GDA: variants seen among roughly 807,000 people sequenced by gnomAD.
GDA encodes the protein guanine deaminase.
A neutral mutation model predicts 59.6 loss-of-function variants in GDA; 18 were observed. That is an observed-to-expected ratio of 0.30 (90% CI 0.21 to 0.45). GDA has a LOEUF of 0.45. GDA is among the 20% of genes least tolerant of loss of function. The pLI is 1.00. For synonymous variants in GDA, 201 were observed against 201.1 expected (o/e 1.00, Z 0.00); for missense variants, 427 against 552.3 (o/e 0.77, Z 2.27).
Position 72,162,751 on chromosome 9 carries a change from G to A in GDA, c.123+13069G>A, listed in dbSNP as rs550455032. Among the ~76,000 whole-genome samples, 13 of 151,928 alleles carry A rather than the reference G, an allele frequency of 8.6e-5. No homozygotes were observed. In the East Asian group the frequency reaches 9.7e-4, roughly 11 times the overall value. Reference sequence around the variant, plus strand: ...CGGCTTACTGCAAGCTCCGCCTCCCGGGTTCACGCCATTCTCCTGCCTCAG... The same window carrying A: ...CGGCTTACTGCAAGCTCCGCCTCCCAGGTTCACGCCATTCTCCTGCCTCAG... On this transcript the variant is annotated intron_variant, in intron 1 of 13. Coordinates refer to ENST00000358399, the MANE Select transcript of GDA (RefSeq NM_004293.5).
At chr9:72,222,531 G>C (rs1445906839) in intron 6 of GDA, among the ~76,000 whole-genome samples, 3 of 152,058 alleles carry the variant, frequency 2.0e-5, no homozygotes, top group Non-Finnish European at 4.4e-5. Context: ...TACTCTGTTG[G>C]TGGTTTCACT....
chr9:72,191,915 G>T (rs564137506), intron 1 of GDA, among the ~76,000 whole-genome samples: 147 of 152,114 alleles, frequency 9.7e-4, no homozygotes, highest in Non-Finnish European at 1.9e-3. Context: ...CTGCTTTTAG[G>T]ATTCTTTCTT....
intron 3 of GDA, among the ~76,000 whole-genome samples, chr9:72,203,348 T>C (rs1302547133): frequency 6.6e-6 from 1 of 152,072 alleles, no homozygotes; most frequent in African/African-American, 2.4e-5. Context: ...GGAAGGAAAA[T>C]AGGATGGTCC....
chr9:72,256,236 T>A (rs567556534), downstream of GDA, among the ~76,000 whole-genome samples: 23 of 152,308 alleles, frequency 1.5e-4, no homozygotes, highest in African/African-American at 5.5e-4. Flanking sequence ...TAATGGCCTA[T>A]TAAGTCATAT....
chr9:72,163,578 C>T lies in GDA; in HGVS notation c.123+13896C>T, dbSNP rs1434023465. On this transcript the variant is annotated intron_variant, in intron 1 of 13. Transcript: ENST00000358399. ...CACGATCTCGGCTCACTGCAAGCTC[C>T]ACCTCCCGGGTTCACGCCATTCTCC... 2.0e-5 allele frequency among the ~76,000 whole-genome samples: 3 copies of T among 151,952 alleles called. No homozygotes were observed. The East Asian group carries it at 5.8e-4, about 29-fold the overall frequency.
intron 1 of GDA, among the ~76,000 whole-genome samples, chr9:72,175,423 G>A (rs776970196): frequency 6.6e-6 from 1 of 152,156 alleles, no homozygotes; most frequent in Non-Finnish European, 1.5e-5. Context: ...CTCTGGAACG[G>A]AACCCAGGAA....
chr9:72,130,554 T>C (rs555690716), intron 1 of GDA, among the ~76,000 whole-genome samples: 5 of 152,332 alleles, frequency 3.3e-5, no homozygotes, highest in Admixed American at 6.5e-5. Context: ...ACTTTTATAA[T>C]GTATTAGTGG....
intron 2 of GDA, among the ~76,000 whole-genome samples, chr9:72,196,430 T>C (rs1833188216): frequency 1.4e-5 from 2 of 147,290 alleles, no homozygotes; most frequent in East Asian, 4.0e-4. Context: ...GAGGTTGCAG[T>C]GAGCCAAGAT....
At chr9:72,156,652 C>T (rs1025712094) in intron 1 of GDA, among the ~76,000 whole-genome samples, 1 of 152,172 alleles carries the variant, frequency 6.6e-6, no homozygotes, top group African/African-American at 2.4e-5. Flanking sequence ...ACCTCTTTTT[C>T]CTTATTAACA....
upstream of GDA, among the ~76,000 whole-genome samples, chr9:72,148,497 T>A (rs1323901463): frequency 6.6e-6 from 1 of 152,056 alleles, no homozygotes; most frequent in Non-Finnish European, 1.5e-5. Context: ...GAAAGGTGAC[T>A]CCGAAGAGCC....
At chr9:72,180,004 A>C (rs1216976782) in intron 1 of GDA, among the ~76,000 whole-genome samples, 1 of 151,738 alleles carries the variant, frequency 6.6e-6, no homozygotes, top group Non-Finnish European at 1.5e-5. Context: ...TAACATATTA[A>C]ATTGGGGTGG....
chr9:72,114,930 A>G (rs901827093), intron 1 of GDA: 7 of 152,188 alleles, frequency 4.6e-5, no homozygotes, highest in Non-Finnish European at 8.8e-5. Flanking sequence ...GCTTAATGGG[A>G]CAGAGAGAGA....
At position 72,210,746 on chromosome 9, in the gene GDA, C is replaced by T. The variant is rs762633583; in HGVS notation, c.444C>T (p.Asp148=). The T allele has an allele frequency of 6.2e-7, 1 of 1,609,950 alleles. No homozygotes were observed. The highest frequency in any genetic ancestry group is 1.1e-5 in the South Asian group (1 of 90,980). Reference sequence around the variant, plus strand: ...GTTACTTTGCAACAATTCACACTGACTCATCTCTGCTCCTTGCCGACATTA... The same window carrying T: ...GTTACTTTGCAACAATTCACACTGATTCATCTCTGCTCCTTGCCGACATTA... ...TACYFATIHT[D]SSLLLADITD... The change falls in exon 4 of 14, where the codon GAC becomes GAT. Residue 148 remains aspartate, a synonymous_variant. Transcript: ENST00000358399.
intron 5 of GDA, among the ~76,000 whole-genome samples, chr9:72,215,796 A>T (rs1014610348): frequency 2.0e-5 from 3 of 152,242 alleles, no homozygotes; most frequent in Non-Finnish European, 4.4e-5. Flanking sequence ...ACCTCAAAGA[A>T]TAGGATACCA....
Position 72,221,448 on chromosome 9 carries a change from G to A in GDA, c.607-1672G>A, listed in dbSNP as rs140028633. The stretch of plus-strand genomic sequence containing the variant: ...TTTCATGAAACCCCGTACTTCCACC[G>A]ACTGTTAGAATGGAGGACTGCTCCC... On this transcript the variant is annotated intron_variant, in intron 6 of 13. Transcript: ENST00000358399. Among the ~76,000 whole-genome samples, 23 of 152,224 alleles carry A rather than the reference G, an allele frequency of 1.5e-4. 2 individuals carry two copies. The highest frequency in any genetic ancestry group is 4.3e-4 in the African/African-American group (18 of 41,526).
At chr9:72,209,218 A>C (rs1835076160) in intron 3 of GDA, among the ~76,000 whole-genome samples, 1 of 151,744 alleles carries the variant, frequency 6.6e-6, no homozygotes, top group Non-Finnish European at 1.5e-5. Context: ...GAGGATTTTA[A>C]TTTTGGAGAT....
At chr9:72,151,327 G>T (rs1394250212) in intron 1 of GDA, among the ~76,000 whole-genome samples, 1 of 152,094 alleles carries the variant, frequency 6.6e-6, no homozygotes, top group Non-Finnish European at 1.5e-5. Flanking sequence ...TGGAATGTAT[G>T]GTACAGAGCT....
chr9:72,206,829 A>G (rs1309852449), intron 3 of GDA, among the ~76,000 whole-genome samples: 2 of 152,102 alleles, frequency 1.3e-5, no homozygotes, highest in African/African-American at 4.8e-5. Context: ...TTATTTTGCT[A>G]CTTGGATCCC....
chr9:72,143,167 T>C (rs545127630), intron 1 of GDA, among the ~76,000 whole-genome samples: 183 of 150,404 alleles, frequency 1.2e-3, no homozygotes, highest in African/African-American at 4.2e-3. Flanking sequence ...TTCCCTCTTG[T>C]TGCCCAGGCT....
Sources: allele counts gnomAD v4.1 joint callset (sites outside exome capture counted in the v4.1 genomes callset), GRCh38; gene constraint gnomAD v4.1.1; transcripts MANE v1.5; gene names NCBI Gene and HGNC (gene_info 2026-07-23, HGNC 2026-07-21).